Variants in HACL1 observed in about 807,000 individuals in gnomAD.
HACL1 encodes the protein 1600020H07Rik.
HACL1 carries 64 observed loss-of-function variants against 74.2 expected under a neutral mutation model. That is an observed-to-expected ratio of 0.86 (90% CI 0.70 to 1.06). The LOEUF is 1.06. Ranked by LOEUF, HACL1 falls within the 50% of genes least tolerant of loss-of-function variation. HACL1 has a pLI of 0.00. For missense variants in HACL1, 728 were observed against 719.7 expected (o/e 1.01, Z -0.13); for synonymous variants, 230 against 238.8 (o/e 0.96, Z 0.34).
In HACL1 at chr3:15,568,432, C is replaced by CA. The variant is rs769201368; in HGVS notation, c.1249_1250insT (p.Arg417MetfsTer3). 68 of 1,570,998 alleles carry CA rather than the reference C, an allele frequency of 4.3e-5. No homozygotes were observed. The highest frequency in any genetic ancestry group is 5.6e-5 in the Non-Finnish European group (65 of 1,153,416). ...CTTCTTTCTTCTTTAGAAGTCTTAC[C>CA]TGTGACGAGGAAGGTAGTTCTGAAG... On this transcript the variant is annotated frameshift_variant and splice_region_variant, in exon 13 of 17. Coordinates refer to ENST00000321169, the MANE Select transcript of HACL1 (RefSeq NM_012260.4). LOFTEE classifies it high-confidence loss of function.
chr3:15,582,414 C>T lies in HACL1; in HGVS notation c.667+463G>A, dbSNP rs540893787. Among the ~76,000 whole-genome samples, 17 of 152,140 alleles carry T rather than the reference C, an allele frequency of 1.1e-4. 2 individuals are homozygous for T. In the South Asian group the frequency reaches 2.3e-3, roughly 20 times the overall value. ...TATTTGCCAGGAAAGTAAGTGTTAACGTACACATGAAGAGACATTAAAAAT... is the reference window on the plus strand; with the variant it reads ...TATTTGCCAGGAAAGTAAGTGTTAATGTACACATGAAGAGACATTAAAAAT... On this transcript the variant is annotated intron_variant, in intron 8 of 16. Transcript: ENST00000321169.
intron 14 of HACL1, among the ~76,000 whole-genome samples, chr3:15,567,206 C>CTTTTTTT (rs34317560): frequency 3.7e-5 from 3 of 81,128 alleles, no homozygotes; most frequent in Non-Finnish European, 4.8e-5. Flanking sequence ...GCCATGCTGC[C>CTTTTTTT]TTTTTTTTTT....
At chr3:15,590,853 G>C (rs1160406918) in intron 4 of HACL1, among the ~76,000 whole-genome samples, 1 of 152,240 alleles carries the variant, frequency 6.6e-6, no homozygotes, top group Non-Finnish European at 1.5e-5. Context: ...AGCCAAGGCA[G>C]GTGGATCACC....
chr3:15,596,459 G>A (rs199930019), intron 2 of HACL1, 35 bp from the exon 3 acceptor site: 34 of 1,394,770 alleles, frequency 2.4e-5, no homozygotes, highest in Non-Finnish European at 3.3e-5. Flanking sequence ...TGAGCATATT[G>A]GGATCCTTAT....
At chr3:15,580,390 G>A (rs528993115) in intron 8 of HACL1, among the ~76,000 whole-genome samples, 1 of 152,188 alleles carries the variant, frequency 6.6e-6, no homozygotes, top group South Asian at 2.1e-4. Flanking sequence ...CTCCTTCCTT[G>A]ACCTCCTAAG....
At chr3:15,583,476 A>G (rs2063744565) in intron 7 of HACL1, among the ~76,000 whole-genome samples, 2 of 152,140 alleles carry the variant, frequency 1.3e-5, no homozygotes, top group Admixed American at 1.3e-4. Context: ...TGTCAAAACA[A>G]TGAGGTTAGG....
At chr3:15,586,365 A>G (rs187015729) in intron 6 of HACL1, among the ~76,000 whole-genome samples, 160 bp downstream of exon 6, 11 of 152,310 alleles carry the variant, frequency 7.2e-5, no homozygotes, top group African/African-American at 2.6e-4. Flanking sequence ...ATGTAATGAC[A>G]GTGAACACTA....
At chr3:15,570,933 A>G (rs1427537788) in intron 12 of HACL1, among the ~76,000 whole-genome samples, 1 of 151,880 alleles carries the variant, frequency 6.6e-6, no homozygotes, top group African/African-American at 2.4e-5. Flanking sequence ...AAAACATCTC[A>G]ACCCAAGATT....
intron 2 of HACL1, among the ~76,000 whole-genome samples, chr3:15,598,985 T>C (rs1245624067): frequency 2.0e-5 from 3 of 152,358 alleles, no homozygotes; most frequent in South Asian, 2.1e-4. Flanking sequence ...ATCAATCAAG[T>C]AAGCCCAAAA....
intron 11 of HACL1, 60 bp from the exon 12 acceptor site, chr3:15,571,829 CTTTTTTTTTTTT>C (rs869072841): frequency 1.4e-4 from 32 of 226,198 alleles, no homozygotes; most frequent in Admixed American, 6.4e-4. Context: ...CCTTTTTTTT[CTTTTTTTTTTTT>C]TTTTTTTTTT....
At chr3:15,595,035 G>A (rs1225491016) in intron 3 of HACL1, among the ~76,000 whole-genome samples, 1 of 152,124 alleles carries the variant, frequency 6.6e-6, no homozygotes. Flanking sequence ...GCTGAGGCAT[G>A]AGGATCGCTT....
At chr3:15,563,780 C>G (rs935377383) in intron 15 of HACL1, among the ~76,000 whole-genome samples, 2 of 152,160 alleles carry the variant, frequency 1.3e-5, no homozygotes, top group Non-Finnish European at 1.5e-5. Flanking sequence ...CCTGTGCCAT[C>G]CAAGACAGTA....
chr3:15,572,133 C>A (rs1045678567), intron 11 of HACL1, among the ~76,000 whole-genome samples: 1 of 152,114 alleles, frequency 6.6e-6, no homozygotes, highest in African/African-American at 2.4e-5. Flanking sequence ...AGCCACCATG[C>A]CCAGTCTGCT....
intron 2 of HACL1, among the ~76,000 whole-genome samples, chr3:15,598,632 C>T (rs916217268): frequency 2.0e-5 from 3 of 152,230 alleles, no homozygotes; most frequent in Admixed American, 6.5e-5. Context: ...AATCTGCCTA[C>T]TTGCTGGCCA....
At chr3:15,578,540 C>T (rs930579042) in intron 9 of HACL1, among the ~76,000 whole-genome samples, 1 of 152,094 alleles carries the variant, frequency 6.6e-6, no homozygotes, top group South Asian at 2.1e-4. Flanking sequence ...CTGCAAGCAG[C>T]GAAAACTTGC....
intron 13 of HACL1, among the ~76,000 whole-genome samples, 190 bp from the exon 14 acceptor site, chr3:15,568,192 T>C (rs949754880): frequency 6.6e-6 from 1 of 152,202 alleles, no homozygotes; most frequent in African/African-American, 2.4e-5. Context: ...AAGCCACCCA[T>C]GTTTGCTTGG....
Position 15,591,680 on chromosome 3 carries a change from C to A in HACL1, c.228G>T (p.Arg76Ser). The change falls in exon 4 of 17, where the codon AGG becomes AGT. Residue 76 changes from arginine to serine, a missense_variant and splice_region_variant. By Grantham distance (110) the Arg-to-Ser change is moderately radical. Coordinates refer to ENST00000321169, the MANE Select transcript of HACL1 (RefSeq NM_012260.4). The part of the protein sequence containing the change: ...AASAIGYLTS[R>S]PGVCLVVSGP... ...CAGAAACAACAAGGCAGACTCCTGG[C>A]CTAAAAGCAAAACAGAATTTATTAA... The A allele has an allele frequency of 6.2e-7, 1 of 1,604,706 alleles. No individual in the cohort carries two copies. The highest frequency in any genetic ancestry group is 1.1e-5 in the South Asian group (1 of 90,610).
chr3:15,562,369 C>T (rs1348030966), intron 16 of HACL1, among the ~76,000 whole-genome samples: 1 of 152,126 alleles, frequency 6.6e-6, no homozygotes, highest in African/African-American at 2.4e-5. Context: ...TGAGTATCTC[C>T]TCTCTCTGCT....
At chr3:15,573,789 T>C (rs1014225264) in intron 10 of HACL1, among the ~76,000 whole-genome samples, 3 of 152,208 alleles carry the variant, frequency 2.0e-5, no homozygotes, top group African/African-American at 4.8e-5. Context: ...TCCAAGAACA[T>C]GGCACGATTA....
Sources: allele counts gnomAD v4.1 joint callset (sites outside exome capture counted in the v4.1 genomes callset), GRCh38; gene constraint gnomAD v4.1.1; transcripts MANE v1.5; gene names NCBI Gene and HGNC (gene_info 2026-07-23, HGNC 2026-07-21).